Variants in CFAP58 observed in about 807,000 individuals in gnomAD.
CFAP58 encodes the protein cilia and flagella associated protein 58.
In CFAP58, 88 loss-of-function variants were observed where a neutral mutation model predicts 119.5. That is an observed-to-expected ratio of 0.74 (90% CI 0.62 to 0.88). The LOEUF (loss-of-function observed/expected upper bound fraction) is 0.88, where lower values mean the gene tolerates loss of function less well. Ranked by LOEUF, CFAP58 falls within the 40% of genes least tolerant of loss-of-function variation. CFAP58 has a pLI of 0.00. For synonymous variants in CFAP58, 365 were observed against 366.3 expected (o/e 1.00, Z 0.04); for missense variants, 990 against 1,021.2 (o/e 0.97, Z 0.42).
the CFAP58 span, among the ~76,000 whole-genome samples, chr10:104,346,086 T>G: frequency 2.0e-5 from 3 of 151,914 alleles, no homozygotes; most frequent in Non-Finnish European, 4.4e-5. Context: ...ATAGCCATGG[T>G]GGAAGGCGAA....
At chr10:104,340,997 AC>A in the CFAP58 span, among the ~76,000 whole-genome samples, 1 of 151,824 alleles carries the variant, frequency 6.6e-6, no homozygotes, top group African/African-American at 2.4e-5. Context: ...AGAAATGAAA[AC>A]CCCTAGCCTG....
chr10:104,443,589 C>T (rs759234758), intron 15 of CFAP58, among the ~76,000 whole-genome samples: 12 of 152,198 alleles, frequency 7.9e-5, no homozygotes, highest in Non-Finnish European at 1.6e-4. Context: ...GTTATTGCTT[C>T]GTGTATGCGA....
intron 7 of CFAP58, among the ~76,000 whole-genome samples, chr10:104,375,457 G>A (rs1218447766): frequency 6.6e-6 from 1 of 152,168 alleles, no homozygotes; most frequent in Non-Finnish European, 1.5e-5. Context: ...GCTCATGCCT[G>A]CCTGTAATCC....
intron 15 of CFAP58, among the ~76,000 whole-genome samples, chr10:104,416,558 T>C (rs1048060416): frequency 2.6e-5 from 4 of 152,158 alleles, no homozygotes; most frequent in Non-Finnish European, 5.9e-5. Flanking sequence ...TTATTAGCTG[T>C]GCAGAGGGAA....
At chr10:104,435,015 A>G (rs2012909897) in intron 15 of CFAP58, among the ~76,000 whole-genome samples, 1 of 152,218 alleles carries the variant, frequency 6.6e-6, no homozygotes, top group African/African-American at 2.4e-5. Context: ...ATGAAAAGTG[A>G]CTGGCATATA....
At chr10:104,440,988 T>G (rs551103507) in intron 15 of CFAP58, among the ~76,000 whole-genome samples, 1 of 152,340 alleles carries the variant, frequency 6.6e-6, no homozygotes, top group South Asian at 2.1e-4. Flanking sequence ...GATACTAAAC[T>G]CTAGACCTTA....
chr10:104,357,811 A>G lies in CFAP58; in HGVS notation c.10-530A>G, dbSNP rs1009528661. 2.0e-4 allele frequency among the ~76,000 whole-genome samples: 30 copies of G among 150,056 alleles called. 2 individuals carry two copies. The highest frequency in any genetic ancestry group is 7.1e-4 in the African/African-American group (29 of 40,586). ...TATATACATATATATACACACATAT[A>G]TATGTACATATATACACATATATGT... On this transcript the variant is annotated intron_variant, in intron 1 of 17. Coordinates refer to ENST00000369704, the MANE Select transcript of CFAP58 (RefSeq NM_001008723.2).
chr10:104,432,426 T>A (rs1386386254), intron 15 of CFAP58, among the ~76,000 whole-genome samples: 1 of 152,132 alleles, frequency 6.6e-6, no homozygotes. Flanking sequence ...AGAATAATTA[T>A]CTTTCCTTTT....
chr10:104,383,118 T>C (rs573256739), intron 9 of CFAP58, among the ~76,000 whole-genome samples: 4 of 152,336 alleles, frequency 2.6e-5, no homozygotes, highest in African/African-American at 9.6e-5. Flanking sequence ...TTGTTCTCTG[T>C]GGAAAGTTCT....
chr10:104,419,614 T>C (rs571373452), intron 15 of CFAP58, among the ~76,000 whole-genome samples: 10 of 152,244 alleles, frequency 6.6e-5, no homozygotes, highest in Non-Finnish European at 7.4e-5. Flanking sequence ...CATTCTCTTA[T>C]TGTTTGTGTG....
chr10:104,419,305 A>G (rs10884000), intron 15 of CFAP58, among the ~76,000 whole-genome samples: 77,342 of 151,796 alleles, frequency 0.51, 20,038 homozygotes, highest in African/African-American at 0.59. Flanking sequence ...GAACATTCTC[A>G]GAGGGTGGGT....
chr10:104,352,774 G>T (rs139033665), upstream of CFAP58, among the ~76,000 whole-genome samples: 617 of 152,312 alleles, frequency 4.1e-3, 5 homozygotes, highest in Non-Finnish European at 6.5e-3. Context: ...GTGAAGTGTG[G>T]TAGATGCCCC....
intron 15 of CFAP58, among the ~76,000 whole-genome samples, chr10:104,446,286 T>A (rs2013112234): frequency 6.6e-6 from 1 of 152,254 alleles, no homozygotes. Context: ...GCTTTTGGAT[T>A]TCCTTGTCAT....
intron 15 of CFAP58, among the ~76,000 whole-genome samples, chr10:104,433,696 C>T (rs550612347): frequency 2.0e-5 from 3 of 152,312 alleles, no homozygotes; most frequent in East Asian, 1.9e-4. Flanking sequence ...TCACAAAGTT[C>T]GAATTACTTG....
intron 15 of CFAP58, among the ~76,000 whole-genome samples, chr10:104,424,772 T>A (rs564326821): frequency 1.7e-3 from 257 of 152,286 alleles, no homozygotes; most frequent in African/African-American, 5.9e-3. Context: ...TATAATGAGA[T>A]GTTGTTGTTT....
intron 15 of CFAP58, among the ~76,000 whole-genome samples, chr10:104,431,183 C>T (rs776343722): frequency 2.0e-5 from 3 of 152,318 alleles, no homozygotes; most frequent in Non-Finnish European, 4.4e-5. Flanking sequence ...TCTTTTCATT[C>T]ACACACTCAT....
chr10:104,403,884 C>T (rs996362168), intron 14 of CFAP58, 44 bp downstream of exon 14: 1 of 1,264,336 alleles, frequency 7.9e-7, no homozygotes, highest in African/African-American at 1.5e-5. Flanking sequence ...AATCTCTCCT[C>T]CTATCCCACG....
intron 15 of CFAP58, among the ~76,000 whole-genome samples, chr10:104,445,349 C>CA (rs368336887): frequency 0.017 from 2,470 of 149,610 alleles, 46 homozygotes; most frequent in South Asian, 0.053. Context: ...ACAACAACAA[C>CA]AAAAAACAAA....
intron 15 of CFAP58, 39 bp from the exon 16 acceptor site, chr10:104,447,659 G>A (rs755038681): frequency 6.2e-7 from 1 of 1,608,346 alleles, no homozygotes; most frequent in South Asian, 1.1e-5. Flanking sequence ...TGTTTTGACG[G>A]GGCTGTTTAT....
Sources: gnomAD v4.1 joint callset for allele counts (sites outside exome capture counted in the v4.1 genomes callset) on GRCh38, gnomAD v4.1.1 for gene constraint, MANE v1.5 for transcripts, NCBI Gene and HGNC (gene_info 2026-07-23, HGNC 2026-07-21) for gene names.